Variants in CLIC4 observed in about 807,000 individuals in gnomAD.
The protein encoded by CLIC4 is CLIC family member 4.
A neutral mutation model predicts 24.6 loss-of-function variants in CLIC4; 13 were observed. The observed-to-expected ratio is 0.53, with a 90% CI of 0.34 to 0.84. CLIC4 has a LOEUF of 0.84. Among genes scored for constraint, CLIC4 ranks in the 40% least tolerant of loss-of-function variants. The pLI is 0.01. For missense variants in CLIC4, 227 were observed against 301.7 expected (o/e 0.75, Z 1.83); for synonymous variants, 104 against 111.3 (o/e 0.93, Z 0.41).
intron 2 of CLIC4, among the ~76,000 whole-genome samples, chr1:24,807,953 CT>C (rs5773106): frequency 0.94 from 129,154 of 137,854 alleles, 60,711 homozygotes; most frequent in East Asian, 0.99. Flanking sequence ...AAAAACATTC[CT>C]TTTTTTTTTT....
At chr1:24,806,282 G>A (rs1411094594) in intron 2 of CLIC4, among the ~76,000 whole-genome samples, 3 of 152,098 alleles carry the variant, frequency 2.0e-5, no homozygotes, top group African/African-American at 4.8e-5. Context: ...GGCCTGAGAG[G>A]GCAGGTGAGA....
intron 1 of CLIC4, among the ~76,000 whole-genome samples, chr1:24,766,595 C>T (rs1285477368): frequency 7.1e-6 from 1 of 140,380 alleles, no homozygotes; most frequent in African/African-American, 2.7e-5. Flanking sequence ...CCTCCGTCTC[C>T]TGGGCTCAAG....
At chr1:24,800,746 T>C (rs975702186) in intron 2 of CLIC4, among the ~76,000 whole-genome samples, 5 of 152,222 alleles carry the variant, frequency 3.3e-5, no homozygotes, top group African/African-American at 7.2e-5. Flanking sequence ...CCTTGGGATC[T>C]TGTTGGTCTG....
chr1:24,799,719 C>T lies in CLIC4; in HGVS notation c.182+1868C>T, dbSNP rs866994486. On this transcript the variant is annotated intron_variant, in intron 2 of 5. Transcript: ENST00000374379. The stretch of plus-strand genomic sequence containing the variant: ...GAGGTGGGGGGGTCAGCCCCCCGCC[C>T]GGCCAGCCGCCCCGTCCGGGAGGGA... Among the ~76,000 whole-genome samples, 88 of 137,314 alleles carry T rather than the reference C, an allele frequency of 6.4e-4. 1 individual carries two copies. In the South Asian group the frequency reaches 0.018, roughly 28 times the overall value. The allele number at this position is 137,314 out of a possible 152,430, so 90.1% of individuals were successfully genotyped here.
intron 3 of CLIC4, among the ~76,000 whole-genome samples, chr1:24,824,678 TTATAGCTA>T (rs970529478): frequency 4.6e-5 from 7 of 152,094 alleles, no homozygotes; most frequent in African/African-American, 1.7e-4. Flanking sequence ...GAACATTCTC[TTATAGCTA>T]TACTATTCTG....
At chr1:24,780,311 C>T (rs1639188002) in intron 1 of CLIC4, among the ~76,000 whole-genome samples, 1 of 152,250 alleles carries the variant, frequency 6.6e-6, no homozygotes, top group Non-Finnish European at 1.5e-5. Context: ...ACTTTGCCTT[C>T]AGTCCTTGCT....
At chr1:24,786,276 A>G (rs1268499164) in intron 1 of CLIC4, among the ~76,000 whole-genome samples, 1 of 152,238 alleles carries the variant, frequency 6.6e-6, no homozygotes, top group African/African-American at 2.4e-5. Context: ...CTAAAGACTG[A>G]TTAAACTAGG....
intron 2 of CLIC4, among the ~76,000 whole-genome samples, chr1:24,802,615 C>G (rs1639503217): frequency 6.6e-6 from 1 of 152,018 alleles, no homozygotes; most frequent in Admixed American, 6.6e-5. Flanking sequence ...TGAGTCTGTA[C>G]CATCCCTACC....
At chr1:24,837,532 C>T (rs1392211034) in intron 4 of CLIC4, among the ~76,000 whole-genome samples, 1 of 152,100 alleles carries the variant, frequency 6.6e-6, no homozygotes, top group African/African-American at 2.4e-5. Context: ...TGCTTTCTAC[C>T]TTGCTTTTTG....
chr1:24,766,966 A>G (rs1246655202), intron 1 of CLIC4, among the ~76,000 whole-genome samples: 1 of 149,282 alleles, frequency 6.7e-6, no homozygotes, highest in East Asian at 2.0e-4. Flanking sequence ...CCTGGGCCAC[A>G]CTGGAAGAAG....
intron 1 of CLIC4, among the ~76,000 whole-genome samples, chr1:24,783,580 G>T (rs976050731): frequency 6.6e-6 from 1 of 152,162 alleles, no homozygotes; most frequent in African/African-American, 2.4e-5. Flanking sequence ...GTGCATGCCT[G>T]TAGTCCCAGC....
chr1:24,746,144 T>A (rs1210340056), intron 1 of CLIC4, among the ~76,000 whole-genome samples: 2 of 152,346 alleles, frequency 1.3e-5, no homozygotes, highest in East Asian at 3.9e-4. Context: ...GAAACTTTAA[T>A]TTTCGATGCA....
chr1:24,826,873 A>G (rs935787989), intron 3 of CLIC4, 137 bp from the exon 4 acceptor site: 5 of 557,336 alleles, frequency 9.0e-6, no homozygotes, highest in East Asian at 3.2e-5. Flanking sequence ...TAAAAATACC[A>G]TAGAAAACAA....
intron 1 of CLIC4, among the ~76,000 whole-genome samples, chr1:24,751,317 C>T (rs1169186159): frequency 6.7e-6 from 1 of 149,776 alleles, no homozygotes; most frequent in Non-Finnish European, 1.5e-5. Context: ...TCAAGCGATT[C>T]TCCTGCCGCA....
chr1:24,830,828 A>G (rs551044970), intron 4 of CLIC4, among the ~76,000 whole-genome samples: 1 of 152,324 alleles, frequency 6.6e-6, no homozygotes, highest in South Asian at 2.1e-4. Context: ...TAATAGTGCT[A>G]CTTATTAGCT....
chr1:24,764,875 A>C (rs1184001257), intron 1 of CLIC4, among the ~76,000 whole-genome samples: 1 of 152,106 alleles, frequency 6.6e-6, no homozygotes. Flanking sequence ...TTTTTTGGTA[A>C]GTACAGAGAC....
At chr1:24,784,559 G>A (rs568305324) in intron 1 of CLIC4, among the ~76,000 whole-genome samples, 7 of 152,146 alleles carry the variant, frequency 4.6e-5, no homozygotes. Context: ...TTCTAGCCCT[G>A]GTAATTGGGC....
chr1:24,770,360 G>A (rs1029303897), intron 1 of CLIC4, among the ~76,000 whole-genome samples: 1 of 150,844 alleles, frequency 6.6e-6, no homozygotes, highest in Admixed American at 6.6e-5. Context: ...GGAAATGACT[G>A]TTGGTTCAAG....
intron 3 of CLIC4, among the ~76,000 whole-genome samples, chr1:24,824,989 G>A (rs973273174): frequency 4.6e-5 from 6 of 131,322 alleles, no homozygotes; most frequent in African/African-American, 1.8e-4. Flanking sequence ...GACAGAGGGA[G>A]ACCCTGTCAC....
Sources: allele counts gnomAD v4.1 joint callset (sites outside exome capture counted in the v4.1 genomes callset), GRCh38; gene constraint gnomAD v4.1.1; transcripts MANE v1.5; gene names NCBI Gene and HGNC (gene_info 2026-07-23, HGNC 2026-07-21).